Variants in DNAH10 observed in about 807,000 individuals in gnomAD.
The protein encoded by DNAH10 is axonemal beta dynein heavy chain 10.
A neutral mutation model predicts 506.6 loss-of-function variants in DNAH10; 348 were observed. That is an observed-to-expected ratio of 0.69 (90% CI 0.63 to 0.75). DNAH10 has a LOEUF of 0.75. Among genes scored for constraint, DNAH10 ranks in the 30% least tolerant of loss-of-function variants. The pLI is 0.00. For missense variants in DNAH10, 5,179 were observed against 5,787.1 expected (o/e 0.89, Z 3.41); for synonymous variants, 2,059 against 2,198.6 (o/e 0.94, Z 1.78).
chr12:123,932,795 T>C (rs1180762406), intron 76 of DNAH10: 1 of 152,730 alleles, frequency 6.5e-6, no homozygotes, highest in Non-Finnish European at 1.5e-5. Context: ...GTATTTTGCA[T>C]GCTTTACAGA....
Position 123,914,483 on chromosome 12 carries a change from C to T in DNAH10, c.10507C>T (p.Arg3503Trp), listed in dbSNP as rs192304175. Residue 3503 changes from arginine to tryptophan, a missense_variant, in exon 61 of 79, where the codon CGG becomes TGG. Arg to Trp is a moderately radical substitution (Grantham distance 101). Coordinates refer to ENST00000673944, the MANE Select transcript of DNAH10 (RefSeq NM_001372106.1). ...NRIWQNDILEREIPLSQPFRL... is the reference protein window; with the variant it reads ...NRIWQNDILEWEIPLSQPFRL... ...GATTTGGCAAAATGACATCCTGGAG[C>T]GGGAGATCCCCCTGAGCCAGCCTTT... The T allele has an allele frequency of 1.4e-4, 218 of 1,613,748 alleles. No homozygotes were observed. Among genetic ancestry groups the T allele is most frequent in the Non-Finnish European group, 1.7e-4 (204 of 1,179,896 alleles).
intron 51 of DNAH10, among the ~76,000 whole-genome samples, chr12:123,885,120 T>G (rs1952675179): frequency 6.6e-6 from 1 of 152,242 alleles, no homozygotes; most frequent in Non-Finnish European, 1.5e-5. Context: ...TTGAGGAGTG[T>G]GCTGAAAGTG....
chr12:123,865,153 A>G (rs561398717), intron 40 of DNAH10, among the ~76,000 whole-genome samples: 6 of 152,364 alleles, frequency 3.9e-5, no homozygotes, highest in African/African-American at 1.4e-4. Flanking sequence ...TGAAGAACCA[A>G]CTAATATACT....
Position 123,785,857 on chromosome 12 carries a change from A to C in DNAH10, c.1342A>C (p.Met448Leu). ...CCGACACTACAACAAAGACGAGAGG[A>C]TGATTCCGCTCATGGAGCGCATCGC... is the stretch of plus-strand genomic sequence containing the variant. ...ISRHYNKDER[M>L]IPLMERIAWE... Residue 448 changes from methionine to leucine, a missense_variant, in exon 9 of 79, where the codon ATG (methionine) becomes CTG (leucine). Met to Leu is a conservative substitution (Grantham distance 15). This residue lies in a region of DNAH10 where 4,844 missense variants were observed against 5,430.5 expected (regional missense o/e 0.89). Transcript: ENST00000673944. The surrounding 1 kb of genome is among the most constrained non-coding windows in gnomAD (Gnocchi z 4.1). The C allele has an allele frequency of 6.2e-7, 1 of 1,614,166 alleles. No homozygotes were observed. The highest frequency in any genetic ancestry group is 8.5e-7 in the Non-Finnish European group (1 of 1,180,026).
chr12:123,825,388 G>A (rs1959866290), intron 24 of DNAH10, among the ~76,000 whole-genome samples: 1 of 152,164 alleles, frequency 6.6e-6, no homozygotes, highest in Admixed American at 6.5e-5. Context: ...CAACCCAAAT[G>A]CCCATTAAGT....
rs116845395 is a variant in DNAH10 at position 123,826,562 on chromosome 12, G to A, written c.4180-125G>A. 7.1e-3 allele frequency: 4,937 copies of A among 692,218 alleles called. 44 individuals carry two copies. The highest frequency in any genetic ancestry group is 0.024 in the Middle Eastern group (56 of 2,290). The allele number at this position is 692,218 out of a possible 1,614,324, so 42.9% of individuals were successfully genotyped here. On this transcript the variant is annotated intron_variant, in intron 24 of 78. Coordinates refer to ENST00000673944, the MANE Select transcript of DNAH10 (RefSeq NM_001372106.1). ...TCAACCTCTTGTTTGTGAATTTCAGGTAGTTGTAGATAGATGGGTAATACT... is the reference window on the plus strand; with the variant it reads ...TCAACCTCTTGTTTGTGAATTTCAGATAGTTGTAGATAGATGGGTAATACT...
chr12:123,799,420 T>C lies in DNAH10; in HGVS notation c.2289+49T>C, dbSNP rs750913471. 6 of 1,570,976 alleles carry C rather than the reference T, an allele frequency of 3.8e-6. No homozygotes were observed. In the Admixed American group the frequency reaches 1.1e-4, roughly 28 times the overall value. On this transcript the variant is annotated intron_variant, in intron 14 of 78. Coordinates refer to ENST00000673944, the MANE Select transcript of DNAH10 (RefSeq NM_001372106.1). The stretch of plus-strand genomic sequence containing the variant: ...CCGATTGCCGCGTGAGACGATGGCG[T>C]CTGCCACATTTTCTCAAGGCTTGAT...
chr12:123,788,335 A>T (rs1957942558), intron 10 of DNAH10, among the ~76,000 whole-genome samples: 1 of 152,178 alleles, frequency 6.6e-6, no homozygotes, highest in South Asian at 2.1e-4. Flanking sequence ...TCAAGAGGCC[A>T]GTCTGAGACC....
At chr12:123,872,040 C>T (rs1009084680) in intron 45 of DNAH10, among the ~76,000 whole-genome samples, 1 of 152,212 alleles carries the variant, frequency 6.6e-6, no homozygotes, top group Admixed American at 6.5e-5. Context: ...CCACCCTGTA[C>T]ACCCTGATAT....
At chr12:123,770,262 T>C (rs892124170) in intron 2 of DNAH10, among the ~76,000 whole-genome samples, 14 of 151,722 alleles carry the variant, frequency 9.2e-5, no homozygotes, top group Non-Finnish European at 2.1e-4. Context: ...AAAATTTTTT[T>C]TTAAAATTTT....
At chr12:123,801,173 G>A in intron 15 of DNAH10, 108 bp from the exon 16 acceptor site, 1 of 1,180,134 alleles carries the variant, frequency 8.5e-7, no homozygotes, top group Non-Finnish European at 1.2e-6. Flanking sequence ...TCTTGATCAA[G>A]GTTGGTCTTG....
intron 1 of DNAH10, among the ~76,000 whole-genome samples, chr12:123,763,136 A>C (rs1956891516): frequency 6.6e-6 from 1 of 152,242 alleles, no homozygotes; most frequent in South Asian, 2.1e-4. Flanking sequence ...TAAAAACTAC[A>C]GTAGACTTTA....
intron 35 of DNAH10, among the ~76,000 whole-genome samples, chr12:123,852,093 A>G (rs557315677): frequency 9.9e-5 from 15 of 152,066 alleles, no homozygotes; most frequent in African/African-American, 3.6e-4. Flanking sequence ...TACTAGACAC[A>G]TTCTCCCCTC....
At chr12:123,784,298 G>C (rs914119259) in intron 8 of DNAH10, 121 bp downstream of exon 8, 1 of 1,007,362 alleles carries the variant, frequency 9.9e-7, no homozygotes, top group African/African-American at 1.6e-5. Flanking sequence ...TGTAATCCCA[G>C]CACTTTGGGA....
intron 24 of DNAH10, among the ~76,000 whole-genome samples, chr12:123,825,350 A>G (rs1394554577): frequency 6.6e-6 from 1 of 152,204 alleles, no homozygotes; most frequent in Admixed American, 6.5e-5. Flanking sequence ...CATAAACAGC[A>G]TTGTTGGTAA....
At position 123,850,874 on chromosome 12, in the gene DNAH10, TTCTTGCCC is replaced by T; in HGVS notation, c.6103-11_6103-4del. ...ACCTAACTGCTTCTTTCTTTCTTCC[TTCTTGCCC>T]TCCAGTTTGAAGGGCAGGAGATTTC... On this transcript the variant is annotated splice_region_variant and splice_polypyrimidine_tract_variant and intron_variant, in intron 34 of 78. Transcript: ENST00000673944. This position sits in a 1 kb window ranked among gnomAD's most constrained non-coding sequence, Gnocchi z 5.5. 6.2e-7 allele frequency: 1 copy of T among 1,600,144 alleles called. No homozygotes were observed. The highest frequency in any genetic ancestry group is 8.5e-7 in the Non-Finnish European group (1 of 1,170,938).
In DNAH10 at chr12:123,859,237, G is replaced by A. The variant is rs1317911819; in HGVS notation, c.6718G>A (p.Val2240Ile). ...VGPTRGGKSV[V>I]INTLCQAQTK... ...GCCCACCAGAGGGGGCAAGTCCGTC[G>A]TCATTAACACTCTGTGTCAGGCCCA... The change falls in exon 38 of 79, where the codon GTC (valine) becomes ATC (isoleucine). Residue 2240 changes from valine to isoleucine, a missense_variant. By Grantham distance (29) the Val-to-Ile change is conservative (BLOSUM62 3). This residue lies in a region of DNAH10 where 4,844 missense variants were observed against 5,430.5 expected (regional missense o/e 0.89). Transcript: ENST00000673944. 9 of 1,609,728 alleles carry A rather than the reference G, an allele frequency of 5.6e-6. No homozygotes were observed. The highest frequency in any genetic ancestry group is 1.7e-5 in the Admixed American group (1 of 59,136).
chr12:123,913,272 GC>G lies in DNAH10; in HGVS notation c.10311del (p.Ala3438GlnfsTer16), dbSNP rs1251133582. The G allele has an allele frequency of 1.1e-5, 17 of 1,606,602 alleles. No individual in the cohort carries two copies. The highest frequency in any genetic ancestry group is 1.4e-5 in the Non-Finnish European group (17 of 1,176,908). ...EAEIMERRLI[A>X]ADKLISGLGS... ...CGAGATCATGGAGAGGCGGCTGATTGCCGCAGACAAACTCATCTCGGGTCTG... is the reference window on the plus strand; with the variant it reads ...CGAGATCATGGAGAGGCGGCTGATTGCGCAGACAAACTCATCTCGGGTCTG... On this transcript the variant is annotated frameshift_variant, in exon 60 of 79. Transcript: ENST00000673944. LOFTEE classifies it high-confidence loss of function. This position sits in a 1 kb window ranked among gnomAD's most constrained non-coding sequence, Gnocchi z 5.1.
At chr12:123,930,808 C>G (rs1239686096) in intron 73 of DNAH10, among the ~76,000 whole-genome samples, 1 of 152,096 alleles carries the variant, frequency 6.6e-6, no homozygotes, top group Admixed American at 6.5e-5. Context: ...GCAGAATGGC[C>G]ACAGTGAAGC....
Sources: gnomAD v4.1 joint callset for allele counts (sites outside exome capture counted in the v4.1 genomes callset) on GRCh38, gnomAD v4.1.1 for gene constraint, gnomAD v4.1.1 regional missense constraint, Gnocchi (gnomAD v3.1) non-coding constraint, MANE v1.5 for transcripts, NCBI Gene and HGNC (gene_info 2026-07-23, HGNC 2026-07-21) for gene names.